The following XYLT1 variants were observed in gnomAD, a reference collection of about 807,000 sequenced individuals.
XYLT1 encodes xylosyltransferase 1.
A neutral mutation model predicts 91.3 loss-of-function variants in XYLT1; 36 were observed. That is an observed-to-expected ratio of 0.39 (90% CI 0.30 to 0.52). The LOEUF (loss-of-function observed/expected upper bound fraction) is 0.52, where lower values mean the gene tolerates loss of function less well. Among genes scored for constraint, XYLT1 ranks in the 20% least tolerant of loss-of-function variants. XYLT1 has a pLI of 0.68. For missense variants in XYLT1, 1,242 were observed against 1,284.5 expected (o/e 0.97, Z 0.51); for synonymous variants, 588 against 532.0 (o/e 1.11, Z -1.45).
intron 1 of XYLT1, among the ~76,000 whole-genome samples, chr16:17,443,542 T>C (rs765683441): frequency 1.8e-4 from 28 of 152,234 alleles, no homozygotes; most frequent in Admixed American, 3.3e-4. Context: ...GATTGTAAGT[T>C]TCCTGAGGCC....
chr16:17,161,698 CTT>C (rs2031559017), intron 5 of XYLT1, among the ~76,000 whole-genome samples: 1 of 151,910 alleles, frequency 6.6e-6, no homozygotes, highest in Non-Finnish European at 1.5e-5. Flanking sequence ...CTCTCTCTCT[CTT>C]CCACTCACAC....
At position 17,105,741 on chromosome 16, in the gene XYLT1, T is replaced by A. The variant is rs1763862494; in HGVS notation, c.*2954A>T. 6.6e-6 allele frequency: 1 copy of A among 152,064 alleles called. No individual in the cohort carries two copies. Among genetic ancestry groups the A allele is most frequent in the Non-Finnish European group, 1.5e-5 (1 of 68,016 alleles). 9.4% of individuals were successfully genotyped at this position (152,064 alleles called of 1,614,324 possible). A position where few individuals can be genotyped will look rare whatever the true frequency, so the allele number is the denominator to read the frequency against. On this transcript the variant is annotated 3_prime_UTR_variant, in exon 12 of 12. Coordinates refer to ENST00000261381, the MANE Select transcript of XYLT1 (RefSeq NM_022166.4). ...GCTCACAGCTGCAGGCTGTAATAGG[T>A]TTCCAGAGACCACAGCCCTATGCTT...
chr16:17,304,655 T>C (rs2034445840), intron 2 of XYLT1, among the ~76,000 whole-genome samples: 1 of 150,486 alleles, frequency 6.6e-6, no homozygotes, highest in Admixed American at 6.6e-5. Flanking sequence ...ACAGTTAAGA[T>C]TTTTTTTTTC....
intron 2 of XYLT1, among the ~76,000 whole-genome samples, chr16:17,353,964 A>C (rs576455340): frequency 6.6e-6 from 1 of 152,314 alleles, no homozygotes; most frequent in African/African-American, 2.4e-5. Flanking sequence ...CCTCATGTGG[A>C]AATCGGGTAT....
chr16:17,312,047 TG>T lies in XYLT1; in HGVS notation c.402+45964del, dbSNP rs1414719726. Among the ~76,000 whole-genome samples, 1 of 151,968 alleles carries T rather than the reference TG, an allele frequency of 6.6e-6. No homozygotes were observed. On this transcript the variant is annotated intron_variant, in intron 2 of 11. Transcript: ENST00000261381. The surrounding 1 kb of genome is among the most constrained non-coding windows in gnomAD (Gnocchi z 4.4). ...TGGGGACACAACCAAACCATATCAATGGGGGTTTAAGCAGAGGTCTGAGGCC... is the reference window on the plus strand; with the variant it reads ...TGGGGACACAACCAAACCATATCAATGGGGTTTAAGCAGAGGTCTGAGGCC...
intron 1 of XYLT1, 68 bp downstream of exon 1, chr16:17,470,366 G>T (rs897222253): frequency 2.5e-6 from 3 of 1,207,914 alleles, no homozygotes; most frequent in Non-Finnish European, 3.1e-6. Context: ...CAAGGGCTAG[G>T]GGGGCGTGGG....
At chr16:17,433,531 G>A (rs369573791) in intron 1 of XYLT1, among the ~76,000 whole-genome samples, 1 of 152,166 alleles carries the variant, frequency 6.6e-6, no homozygotes, top group South Asian at 2.1e-4. Context: ...CCACAAACAC[G>A]CATGATGGTA....
chr16:17,308,496 C>G (rs1251909293), intron 2 of XYLT1, among the ~76,000 whole-genome samples: 1 of 152,208 alleles, frequency 6.6e-6, no homozygotes, highest in Non-Finnish European at 1.5e-5. Context: ...GGTGAAGATA[C>G]AGCTCTATCT....
Position 17,343,783 on chromosome 16 carries a change from A to T in XYLT1, c.402+14229T>A, listed in dbSNP as rs557334298. 3.8e-3 allele frequency among the ~76,000 whole-genome samples: 583 copies of T among 152,276 alleles called. 9 individuals carry two copies. The highest frequency in any genetic ancestry group is 6.2e-3 in the Non-Finnish European group (425 of 68,020). On this transcript the variant is annotated intron_variant, in intron 2 of 11. Transcript: ENST00000261381. ...CATACCCAGTGTGCTTGGCTTTTTA[A>T]ATGAGAAGAGGAATCAAGAGAGCGT...
intron 2 of XYLT1, among the ~76,000 whole-genome samples, chr16:17,297,132 G>A (rs957902048): frequency 2.0e-5 from 3 of 152,102 alleles, no homozygotes; most frequent in Non-Finnish European, 4.4e-5. Flanking sequence ...AAAATGCTGA[G>A]GTCTCAAAGG....
At position 17,111,689 on chromosome 16, in the gene XYLT1, G is replaced by A. The variant is rs1273000033; in HGVS notation, c.2558-2672C>T. 3.9e-5 allele frequency among the ~76,000 whole-genome samples: 6 copies of A among 152,226 alleles called. No individual in the cohort carries two copies. The South Asian group carries it at 6.2e-4, about 16-fold the overall frequency. ...TTCAAAATTTGCCTTGACTAACACAGACAAGATCGCCACTCCTTCAATTCC... is the reference window on the plus strand; with the variant it reads ...TTCAAAATTTGCCTTGACTAACACAAACAAGATCGCCACTCCTTCAATTCC... On this transcript the variant is annotated intron_variant, in intron 11 of 11. Coordinates refer to ENST00000261381, the MANE Select transcript of XYLT1 (RefSeq NM_022166.4).
chr16:17,408,912 G>A (rs1426749218), intron 1 of XYLT1, among the ~76,000 whole-genome samples: 1 of 152,080 alleles, frequency 6.6e-6, no homozygotes, highest in African/African-American at 2.4e-5. Context: ...GGTGGCATCA[G>A]AAGGACTTTG....
Position 17,108,965 on chromosome 16 carries a change from C to A in XYLT1, c.2610G>T (p.Gln870His). ...GGACGGGGTTTAGGCTCTGGAAGCT[C>A]TGCTCCATGTAGGCATTGCGGAGGG... is the stretch of plus-strand genomic sequence containing the variant. The part of the protein sequence containing the change: ...NGPLRNAYME[Q>H]SFQSLNPVLS... The change falls in exon 12 of 12, where the codon CAG becomes CAT. Residue 870 changes from glutamine to histidine, a missense_variant. Physicochemically the swap from Gln to His is conservative, Grantham distance 24 (BLOSUM62 0). Around this residue, in one of 3 missense-constraint regions of XYLT1, gnomAD observed 511 missense variants for 497.0 expected, o/e 1.03. Transcript: ENST00000261381. The A allele has an allele frequency of 6.3e-7, 1 of 1,577,690 alleles. No individual in the cohort carries two copies. Among genetic ancestry groups the A allele is most frequent in the Non-Finnish European group, 8.7e-7 (1 of 1,154,496 alleles).
At chr16:17,152,643 G>A (rs1334475199) in intron 6 of XYLT1, among the ~76,000 whole-genome samples, 3 of 152,196 alleles carry the variant, frequency 2.0e-5, no homozygotes, top group African/African-American at 7.2e-5. Flanking sequence ...ATCAAAGGAG[G>A]TTTGGGTCTG....
chr16:17,345,522 G>C (rs1235535966), intron 2 of XYLT1, among the ~76,000 whole-genome samples: 1 of 152,236 alleles, frequency 6.6e-6, no homozygotes, highest in Non-Finnish European at 1.5e-5. Context: ...AAGGCAGGGG[G>C]TGACGCAGCT....
intron 1 of XYLT1, among the ~76,000 whole-genome samples, chr16:17,398,818 G>GCCCC (rs71230739): frequency 0.054 from 4,584 of 84,372 alleles, 256 homozygotes; most frequent in African/African-American, 0.073. Flanking sequence ...AAATGTCCCC[G>GCCCC]CCCCCCCCCA....
intron 3 of XYLT1, among the ~76,000 whole-genome samples, chr16:17,211,421 G>A (rs1246242678): frequency 6.6e-6 from 1 of 152,144 alleles, no homozygotes; most frequent in Middle Eastern, 3.2e-3. Flanking sequence ...CTCCTGGGGT[G>A]GGCTTTTGGG....
chr16:17,374,570 C>T (rs920275334), intron 1 of XYLT1, among the ~76,000 whole-genome samples: 6 of 151,642 alleles, frequency 4.0e-5, no homozygotes, highest in East Asian at 3.9e-4. Context: ...ATAACCCACA[C>T]GGTCTAAGAC....
At chr16:17,179,131 CAAAG>C (rs1214676599) in intron 5 of XYLT1, among the ~76,000 whole-genome samples, 5 of 151,328 alleles carry the variant, frequency 3.3e-5, no homozygotes, top group Non-Finnish European at 5.9e-5. Context: ...AGTGAACTAA[CAAAG>C]GAAGAGAAAA....
Sources: allele counts gnomAD v4.1 joint callset (sites outside exome capture counted in the v4.1 genomes callset), GRCh38; gene constraint gnomAD v4.1.1; regional missense constraint gnomAD v4.1.1; non-coding constraint Gnocchi (gnomAD v3.1); transcripts MANE v1.5; gene names NCBI Gene and HGNC (gene_info 2026-07-23, HGNC 2026-07-21).